Variants in GALNTL6 observed in about 807,000 individuals in gnomAD.
GALNTL6 encodes the protein polypeptide N-acetylgalactosaminyltransferase like 6.
GALNTL6 carries 46 observed loss-of-function variants against 73.7 expected under a neutral mutation model. That is an observed-to-expected ratio of 0.62 (90% CI 0.49 to 0.80). The LOEUF (loss-of-function observed/expected upper bound fraction) is 0.80, where lower values mean the gene tolerates loss of function less well. Ranked by LOEUF, GALNTL6 falls within the 30% of genes least tolerant of loss-of-function variation. GALNTL6 has a pLI of 0.00. For missense variants in GALNTL6, 604 were observed against 755.0 expected (o/e 0.80, Z 2.34); for synonymous variants, 259 against 263.7 (o/e 0.98, Z 0.17).
At chr4:172,309,918 T>A (rs960007300) in intron 3 of GALNTL6, among the ~76,000 whole-genome samples, 1 of 152,058 alleles carries the variant, frequency 6.6e-6, no homozygotes, top group Non-Finnish European at 1.5e-5. Context: ...ATGAAAATTG[T>A]ATAAAACGCC....
intron 5 of GALNTL6, among the ~76,000 whole-genome samples, chr4:172,547,578 A>G (rs1207825340): frequency 6.6e-6 from 1 of 152,166 alleles, no homozygotes; most frequent in Non-Finnish European, 1.5e-5. Context: ...TGAAAAGTTC[A>G]TGAGTAACTC....
intron 9 of GALNTL6, among the ~76,000 whole-genome samples, chr4:172,950,192 A>G (rs2126340013): frequency 6.6e-6 from 1 of 152,324 alleles, no homozygotes. Context: ...GAATATTACA[A>G]AACCATGTTG....
chr4:171,982,605 C>T (rs751435734), intron 2 of GALNTL6, among the ~76,000 whole-genome samples: 17 of 152,154 alleles, frequency 1.1e-4, no homozygotes, highest in Non-Finnish European at 1.5e-4. Context: ...ACCGAAAGTA[C>T]TTTCGTTTGC....
chr4:172,119,525 T>C (rs942418203), intron 2 of GALNTL6, among the ~76,000 whole-genome samples: 4 of 152,198 alleles, frequency 2.6e-5, no homozygotes, highest in African/African-American at 7.2e-5. Flanking sequence ...GGCCACGTTA[T>C]AACATTCTGA....
At position 172,138,477 on chromosome 4, in the gene GALNTL6, CTATATATATATATATA is replaced by C. The variant is rs1414149880; in HGVS notation, c.139-91157_139-91142del. Among the ~76,000 whole-genome samples the C allele has an allele frequency of 8.6e-3, 75 of 8,696 alleles. 1 individual carries two copies. The highest frequency in any genetic ancestry group is 0.12 in the Middle Eastern group (1 of 8). 5.7% of individuals were successfully genotyped at this position (8,696 alleles called of 152,430 possible). A position where few individuals can be genotyped will look rare whatever the true frequency, so the allele number is the denominator to read the frequency against. Reference sequence around the variant, plus strand: ...AATTATATTAATTTACTTGGACTGCCTATATATATATATATATATATATATATATATATATATTTTT... The same window carrying C: ...AATTATATTAATTTACTTGGACTGCCTATATATATATATATATATATTTTT... On this transcript the variant is annotated intron_variant, in intron 2 of 12. Transcript: ENST00000506823.
At chr4:172,303,762 G>A (rs1740023904) in intron 3 of GALNTL6, among the ~76,000 whole-genome samples, 1 of 152,130 alleles carries the variant, frequency 6.6e-6, no homozygotes, top group Non-Finnish European at 1.5e-5. Context: ...GTACATTAGA[G>A]CTCTAAGCTT....
intron 2 of GALNTL6, among the ~76,000 whole-genome samples, chr4:171,932,047 G>A (rs1430893599): frequency 6.6e-6 from 1 of 152,138 alleles, no homozygotes; most frequent in Non-Finnish European, 1.5e-5. Context: ...CATTTAATAA[G>A]TTTGTTGGAG....
At chr4:173,020,344 G>T (rs929916590) in intron 11 of GALNTL6, among the ~76,000 whole-genome samples, 8 of 152,178 alleles carry the variant, frequency 5.3e-5, no homozygotes, top group African/African-American at 1.9e-4. Flanking sequence ...TAATATGATA[G>T]AATGGGATAA....
rs114487374 is a variant in GALNTL6, at chr4:172,304,396, A to G, written c.248-7218A>G. Among the ~76,000 whole-genome samples the G allele has an allele frequency of 6.2e-3, 918 of 147,364 alleles. 11 individuals are homozygous for G. The highest frequency in any genetic ancestry group is 0.021 in the African/African-American group (849 of 39,806). ...CATTAGTCGGTTAATAGGTGAAAACATAAGTGTAGAATAGTAAGTAGTATA... is the reference window on the plus strand; with the variant it reads ...CATTAGTCGGTTAATAGGTGAAAACGTAAGTGTAGAATAGTAAGTAGTATA... On this transcript the variant is annotated intron_variant, in intron 3 of 12. Transcript: ENST00000506823.
At chr4:172,715,294 A>C (rs1735000832) in intron 5 of GALNTL6, among the ~76,000 whole-genome samples, 1 of 152,184 alleles carries the variant, frequency 6.6e-6, no homozygotes, top group African/African-American at 2.4e-5. Flanking sequence ...GGGTGTATGC[A>C]CACACACAAG....
intron 5 of GALNTL6, among the ~76,000 whole-genome samples, chr4:172,619,744 T>C (rs1429160781): frequency 6.6e-6 from 1 of 152,212 alleles, no homozygotes; most frequent in Non-Finnish European, 1.5e-5. Context: ...ATTGAAGTTT[T>C]GAGATTTAAT....
intron 2 of GALNTL6, among the ~76,000 whole-genome samples, chr4:172,048,932 A>G (rs532197343): frequency 3.9e-5 from 6 of 152,272 alleles, no homozygotes; most frequent in South Asian, 2.1e-4. Context: ...TGAAAGAGCC[A>G]AGCTATAAAG....
chr4:172,939,902 T>G (rs904240498), intron 9 of GALNTL6, among the ~76,000 whole-genome samples: 5 of 152,226 alleles, frequency 3.3e-5, no homozygotes, highest in African/African-American at 1.2e-4. Flanking sequence ...AACCCTCATC[T>G]ACTGCCTTAA....
intron 5 of GALNTL6, among the ~76,000 whole-genome samples, chr4:172,696,120 CTT>C (rs1446297079): frequency 6.6e-6 from 1 of 152,276 alleles, no homozygotes; most frequent in East Asian, 1.9e-4. Flanking sequence ...TAAGAAAACT[CTT>C]TGAGAAATTT....
chr4:172,496,841 A>G (rs1734086644), intron 5 of GALNTL6, among the ~76,000 whole-genome samples: 2 of 152,190 alleles, frequency 1.3e-5, no homozygotes, highest in Non-Finnish European at 2.9e-5. Flanking sequence ...TGGGAAAATA[A>G]CTTATTTGCA....
chr4:172,215,615 A>G (rs1392636211), intron 2 of GALNTL6, among the ~76,000 whole-genome samples: 3 of 152,076 alleles, frequency 2.0e-5, no homozygotes, highest in Non-Finnish European at 4.4e-5. Context: ...CTTTATATTT[A>G]AAGTAGACTT....
intron 5 of GALNTL6, among the ~76,000 whole-genome samples, chr4:172,350,150 G>GAA (rs1741892745): frequency 6.6e-6 from 1 of 151,440 alleles, no homozygotes; most frequent in Non-Finnish European, 1.5e-5. Flanking sequence ...ATTGCCAAGT[G>GAA]AATAGTCTTT....
At chr4:172,497,704 T>C (rs920133593) in intron 5 of GALNTL6, among the ~76,000 whole-genome samples, 2 of 152,246 alleles carry the variant, frequency 1.3e-5, no homozygotes, top group Non-Finnish European at 2.9e-5. Flanking sequence ...TTTCTTATAA[T>C]CCTCATTTTT....
At chr4:172,782,205 A>G (rs1739404083) in intron 5 of GALNTL6, among the ~76,000 whole-genome samples, 1 of 152,164 alleles carries the variant, frequency 6.6e-6, no homozygotes, top group South Asian at 2.1e-4. Context: ...AGATATCAAC[A>G]TGGGGCAAAC....
Sources: allele counts gnomAD v4.1 joint callset (sites outside exome capture counted in the v4.1 genomes callset), GRCh38; gene constraint gnomAD v4.1.1; transcripts MANE v1.5; gene names NCBI Gene and HGNC (gene_info 2026-07-23, HGNC 2026-07-21).